The following IL1RAPL2 variants were observed in gnomAD, a reference collection of about 807,000 sequenced individuals.
IL1RAPL2 encodes the protein X-linked interleukin-1 receptor accessory protein-like 2.
A neutral mutation model predicts 44.1 loss-of-function variants in IL1RAPL2; 3 were observed. That is an observed-to-expected ratio of 0.07 (90% CI 0.03 to 0.18). The LOEUF is 0.18. Among genes scored for constraint, IL1RAPL2 ranks in the 10% least tolerant of loss-of-function variants. IL1RAPL2 has a pLI of 1.00. For missense variants in IL1RAPL2, 391 were observed against 496.4 expected, an observed-to-expected ratio of 0.79 and a Z score of 2.02; for synonymous variants, 181 against 178.8, an observed-to-expected ratio of 1.01 and a Z score of -0.10.
intron 5 of IL1RAPL2, among the ~76,000 whole-genome samples, chrX:105,343,617 C>T (rs895252831): frequency 9.0e-6 from 1 of 111,467 alleles, no homozygotes; most frequent in African/African-American, 3.3e-5. Flanking sequence ...TGGCATGTAC[C>T]CCCATAGTTA....
At chrX:105,727,242 A>G (rs2038359969) in intron 7 of IL1RAPL2, among the ~76,000 whole-genome samples, 1 of 111,594 alleles carries the variant, frequency 9.0e-6, no homozygotes, top group Non-Finnish European at 1.9e-5. Context: ...TAAGAAACCA[A>G]CAGGACTTTC....
intron 2 of IL1RAPL2, among the ~76,000 whole-genome samples, chrX:104,942,136 T>C (rs1925196680): frequency 8.9e-6 from 1 of 112,117 alleles, no homozygotes; most frequent in Non-Finnish European, 1.9e-5. Flanking sequence ...GGTAGCATGA[T>C]GCCTCCAGCT....
chrX:105,563,933 G>A (rs780565166), intron 6 of IL1RAPL2, among the ~76,000 whole-genome samples: 15 of 111,780 alleles, frequency 1.3e-4, no homozygotes, highest in Middle Eastern at 9.3e-3. Flanking sequence ...AGTCTTAGTC[G>A]ATTTGGGCTG....
intron 2 of IL1RAPL2, among the ~76,000 whole-genome samples, chrX:104,681,998 A>T (rs1265383271): frequency 8.9e-6 from 1 of 112,477 alleles, no homozygotes; most frequent in Non-Finnish European, 1.9e-5. Flanking sequence ...AAATATAGTT[A>T]TTTCAATTTT....
intron 2 of IL1RAPL2, among the ~76,000 whole-genome samples, chrX:105,133,485 G>A (rs2033047798): frequency 9.0e-6 from 1 of 111,496 alleles, no homozygotes; most frequent in Non-Finnish European, 1.9e-5. Context: ...TAATGCATCT[G>A]ATGTGTGTGT....
intron 6 of IL1RAPL2, among the ~76,000 whole-genome samples, chrX:105,603,076 C>T (rs185813647): frequency 6.6e-4 from 73 of 110,289 alleles, no homozygotes; most frequent in African/African-American, 2.3e-3. Flanking sequence ...AGAAAACCAC[C>T]AATCCACAAA....
chrX:105,481,277 C>A lies in IL1RAPL2; in HGVS notation c.698-3036C>A, dbSNP rs1791500953. Among the ~76,000 whole-genome samples the A allele has an allele frequency of 2.7e-5, 3 of 112,274 alleles. No individual in the cohort carries two copies. The Admixed American group carries it at 2.8e-4, about 11-fold the overall frequency. ...ACACCAAATAAGACAATATAAGCTT[C>A]ATTTAACTTCATATCTAAATTGGCC... On this transcript the variant is annotated intron_variant, in intron 5 of 10. Coordinates refer to ENST00000372582, the MANE Select transcript of IL1RAPL2 (RefSeq NM_017416.2).
At chrX:104,652,390 A>G (rs1290568169) in intron 1 of IL1RAPL2, among the ~76,000 whole-genome samples, 4 of 112,043 alleles carry the variant, frequency 3.6e-5, no homozygotes, top group Non-Finnish European at 5.6e-5. Flanking sequence ...AAAACACTAA[A>G]AGTTTCCACT....
intron 6 of IL1RAPL2, among the ~76,000 whole-genome samples, chrX:105,510,181 T>A (rs2036459406): frequency 9.1e-6 from 1 of 110,405 alleles, no homozygotes. Context: ...TCTAAAAAAA[T>A]TTAAATTTAA....
rs1054143935 is a variant in IL1RAPL2, at chrX:104,678,881, G to T, written c.82+19886G>T. On this transcript the variant is annotated intron_variant, in intron 2 of 10. Coordinates refer to ENST00000372582, the MANE Select transcript of IL1RAPL2 (RefSeq NM_017416.2). ...GTGAAACACCTAATGTAGATGACAG[G>T]TCGATGGGTGCAGCAAACCACCATG... 8.1e-5 allele frequency among the ~76,000 whole-genome samples: 9 copies of T among 110,860 alleles called. No individual in the cohort carries two copies. In the Admixed American group the frequency reaches 8.6e-4, roughly 11 times the overall value.
chrX:104,588,425 T>G (rs1303176691), intron 1 of IL1RAPL2, among the ~76,000 whole-genome samples: 1 of 111,518 alleles, frequency 9.0e-6, no homozygotes, highest in Non-Finnish European at 1.9e-5. Context: ...GTGCTAAGAA[T>G]TGAAAATAGG....
intron 5 of IL1RAPL2, among the ~76,000 whole-genome samples, chrX:105,373,254 T>G (rs911361799): frequency 1.4e-4 from 16 of 112,642 alleles, no homozygotes; most frequent in Admixed American, 4.7e-4. Flanking sequence ...TTGACCTGCA[T>G]TTCTCTAATG....
chrX:105,140,599 A>C (rs780499692), intron 2 of IL1RAPL2, among the ~76,000 whole-genome samples: 1 of 112,371 alleles, frequency 8.9e-6, no homozygotes, highest in East Asian at 2.8e-4. Context: ...AAACCAGTTG[A>C]TACAATACTC....
At chrX:105,219,929 G>A in intron 3 of IL1RAPL2, 2 of 1,162,522 alleles carry the variant, frequency 1.7e-6, no homozygotes, top group Non-Finnish European at 1.2e-6. Flanking sequence ...GACCAGTTGA[G>A]GGATCTTACT....
intron 1 of IL1RAPL2, among the ~76,000 whole-genome samples, chrX:104,580,100 A>G (rs941849716): frequency 2.9e-4 from 32 of 111,592 alleles, no homozygotes; most frequent in Admixed American, 1.3e-3. Flanking sequence ...ACAAAGCAAA[A>G]CATGTTTATA....
chrX:105,060,591 T>C (rs1321630617), intron 2 of IL1RAPL2, among the ~76,000 whole-genome samples: 18 of 104,537 alleles, frequency 1.7e-4, no homozygotes, highest in Admixed American at 7.1e-4. Context: ...TTTTCTTTTT[T>C]TTTTTTTTTT....
At chrX:105,360,874 G>A (rs1280679576) in intron 5 of IL1RAPL2, among the ~76,000 whole-genome samples, 1 of 111,529 alleles carries the variant, frequency 9.0e-6, no homozygotes, top group African/African-American at 3.3e-5. Context: ...TGATGAAAGA[G>A]GGAACAGGAC....
rs1235933630 is a variant in IL1RAPL2 at position 105,058,012 on chromosome X, G to A, written c.83-137463G>A. 1.6e-4 allele frequency among the ~76,000 whole-genome samples: 17 copies of A among 105,074 alleles called. No homozygotes were observed. The East Asian group carries it at 5.1e-3, about 32-fold the overall frequency. The allele number at this position is 105,074 out of a possible 115,157, so 91.2% of individuals were successfully genotyped here. The stretch of plus-strand genomic sequence containing the variant: ...CGCCCAGGCTGGAGTGCAGTGGTGC[G>A]ATCTCGGCTCACTGCAAGCTCCGCC... On this transcript the variant is annotated intron_variant, in intron 2 of 10. Transcript: ENST00000372582.
intron 2 of IL1RAPL2, among the ~76,000 whole-genome samples, chrX:104,857,263 A>G (rs1026088472): frequency 8.9e-6 from 1 of 111,736 alleles, no homozygotes; most frequent in Non-Finnish European, 1.9e-5. Context: ...TAGGTTTAGG[A>G]CATAAGATGT....
Sources: gnomAD v4.1 joint callset for allele counts (sites outside exome capture counted in the v4.1 genomes callset) on GRCh38, gnomAD v4.1.1 for gene constraint, MANE v1.5 for transcripts, NCBI Gene and HGNC (gene_info 2026-07-23, HGNC 2026-07-21) for gene names.